The following SLC14A2 variants were observed in gnomAD, a reference collection of about 807,000 sequenced individuals.
SLC14A2 encodes the protein urea transporter 2.
Under a neutral mutation model 104.6 loss-of-function variants are expected in SLC14A2, and 91 were observed. The observed-to-expected ratio is 0.87, with a 90% CI of 0.73 to 1.04. The LOEUF is 1.04. Ranked by LOEUF, SLC14A2 falls within the 50% of genes least tolerant of loss-of-function variation. SLC14A2 has a pLI of 0.00. For synonymous variants in SLC14A2, 476 were observed against 466.4 expected (o/e 1.02, Z -0.27); for missense variants, 1,189 against 1,156.0 (o/e 1.03, Z -0.41).
At chr18:45,187,428 GAATTA>G in the SLC14A2 span, among the ~76,000 whole-genome samples, 15 of 152,118 alleles carry the variant, frequency 9.9e-5, no homozygotes, top group Non-Finnish European at 1.9e-4. Flanking sequence ...CTCCCAATTA[GAATTA>G]AATTGTGGAA....
At chr18:45,441,105 C>G (rs926915021) in intron 1 of SLC14A2, among the ~76,000 whole-genome samples, 4 of 152,176 alleles carry the variant, frequency 2.6e-5, no homozygotes, top group Admixed American at 2.0e-4. Flanking sequence ...TCCCTTCCCT[C>G]GGACAGCCAT....
chr18:45,376,738 C>T (rs2085779084), intron 1 of SLC14A2, among the ~76,000 whole-genome samples: 1 of 152,160 alleles, frequency 6.6e-6, no homozygotes, highest in Non-Finnish European at 1.5e-5. Flanking sequence ...CCAAGGCATG[C>T]TTTGAAGCTA....
chr18:45,356,478 G>A (rs560961011), intron 1 of SLC14A2, among the ~76,000 whole-genome samples: 1 of 152,310 alleles, frequency 6.6e-6, no homozygotes, highest in Admixed American at 6.5e-5. Context: ...TGCCATGGAA[G>A]AAACCTGTCA....
At chr18:45,259,032 G>T (rs980237495) in intron 1 of SLC14A2, among the ~76,000 whole-genome samples, 1 of 152,196 alleles carries the variant, frequency 6.6e-6, no homozygotes, top group African/African-American at 2.4e-5. Context: ...CTCACACGTG[G>T]ATTTCCCTGA....
chr18:45,302,263 A>C (rs577033573), intron 1 of SLC14A2, among the ~76,000 whole-genome samples: 2 of 152,334 alleles, frequency 1.3e-5, no homozygotes, highest in Admixed American at 6.5e-5. Context: ...TTTTTAGATG[A>C]TAATGTCTCT....
intron 1 of SLC14A2, among the ~76,000 whole-genome samples, chr18:45,247,475 G>T (rs1036030892): frequency 1.3e-5 from 2 of 152,186 alleles, no homozygotes; most frequent in African/African-American, 4.8e-5. Context: ...TCTGTATTCA[G>T]ATTTAGATGT....
intron 10 of SLC14A2, among the ~76,000 whole-genome samples, chr18:45,652,503 C>T (rs2045757666): frequency 6.6e-6 from 1 of 152,230 alleles, no homozygotes; most frequent in Non-Finnish European, 1.5e-5. Context: ...ACTTCCAGCT[C>T]CAGCTTGCAT....
At chr18:45,566,676 C>G (rs1161293028) in intron 2 of SLC14A2, among the ~76,000 whole-genome samples, 1 of 152,168 alleles carries the variant, frequency 6.6e-6, no homozygotes, top group East Asian at 1.9e-4. Flanking sequence ...TTAATCTCCA[C>G]AAGGACTTTC....
intron 1 of SLC14A2, among the ~76,000 whole-genome samples, chr18:45,332,463 A>G (rs1189212981): frequency 6.6e-6 from 1 of 152,204 alleles, no homozygotes; most frequent in Admixed American, 6.5e-5. Context: ...TTGAGTATCC[A>G]TGGATTTTGG....
At chr18:45,467,467 T>A (rs1218347004) in intron 1 of SLC14A2, among the ~76,000 whole-genome samples, 1 of 152,176 alleles carries the variant, frequency 6.6e-6, no homozygotes, top group East Asian at 1.9e-4. Context: ...CCAGCTCCCC[T>A]TGAAACTCAC....
chr18:45,610,026 T>C (rs1429744746), intron 2 of SLC14A2, among the ~76,000 whole-genome samples: 1 of 152,248 alleles, frequency 6.6e-6, no homozygotes, highest in East Asian at 1.9e-4. Flanking sequence ...GCTTACTGAA[T>C]GCTTTGACCA....
chr18:45,258,032 T>C (rs2084498121), intron 1 of SLC14A2, among the ~76,000 whole-genome samples: 1 of 152,214 alleles, frequency 6.6e-6, no homozygotes, highest in Admixed American at 6.5e-5. Context: ...GCACTTAGTA[T>C]ATGCCAAGCA....
intron 3 of SLC14A2, among the ~76,000 whole-genome samples, chr18:45,626,583 G>T (rs772400882): frequency 1.3e-5 from 2 of 152,220 alleles, no homozygotes; most frequent in East Asian, 1.9e-4. Context: ...ACAGAAAAAA[G>T]AATTTCCTGC....
chr18:45,327,624 A>G (rs975167087), intron 1 of SLC14A2, among the ~76,000 whole-genome samples: 1 of 152,140 alleles, frequency 6.6e-6, no homozygotes, highest in Non-Finnish European at 1.5e-5. Flanking sequence ...TGTAAGTGGA[A>G]TCATATACAT....
At chr18:45,567,838 C>T (rs2044289540) in intron 2 of SLC14A2, among the ~76,000 whole-genome samples, 1 of 152,132 alleles carries the variant, frequency 6.6e-6, no homozygotes, top group Non-Finnish European at 1.5e-5. Context: ...CAGGCAAGTG[C>T]AAGTGATTCA....
intron 6 of SLC14A2, among the ~76,000 whole-genome samples, chr18:45,639,134 T>C (rs1172947859): frequency 6.6e-6 from 1 of 152,196 alleles, no homozygotes; most frequent in East Asian, 1.9e-4. Flanking sequence ...GCAGGGGGCA[T>C]GCCTACTGCT....
chr18:45,191,519 C>T, the SLC14A2 span, among the ~76,000 whole-genome samples: 1 of 152,070 alleles, frequency 6.6e-6, no homozygotes, highest in South Asian at 2.1e-4. Flanking sequence ...AAGTCATGTC[C>T]CAAAGGAAAT....
chr18:45,631,521 T>C (rs1316414702), intron 4 of SLC14A2, among the ~76,000 whole-genome samples: 2 of 152,268 alleles, frequency 1.3e-5, no homozygotes, highest in Non-Finnish European at 2.9e-5. Flanking sequence ...ACTTCTGGGC[T>C]GCTCCTCACC....
At chr18:45,261,659 T>C (rs1461689027) in intron 1 of SLC14A2, among the ~76,000 whole-genome samples, 2 of 152,044 alleles carry the variant, frequency 1.3e-5, no homozygotes, top group Non-Finnish European at 2.9e-5. Flanking sequence ...ACATGCGGTG[T>C]TTGGTTTTTT....
Sources: gnomAD v4.1 joint callset for allele counts (sites outside exome capture counted in the v4.1 genomes callset) on GRCh38, gnomAD v4.1.1 for gene constraint, MANE v1.5 for transcripts, NCBI Gene and HGNC (gene_info 2026-07-23, HGNC 2026-07-21) for gene names.